PLXNA4: variants seen among roughly 807,000 people sequenced by gnomAD.
The protein encoded by PLXNA4 is plexin-A4.
PLXNA4 carries 44 observed loss-of-function variants against 191.8 expected under a neutral mutation model. The ratio of observed to expected loss-of-function variants is 0.23; its 90% CI spans 0.18 to 0.29. The LOEUF (loss-of-function observed/expected upper bound fraction) is 0.29. Ranked by LOEUF, PLXNA4 falls within the 10% of genes least tolerant of loss-of-function variation. The pLI, the probability that PLXNA4 is intolerant of heterozygous loss-of-function variation, is 1.00. For synonymous variants in PLXNA4, 1,082 were observed against 1,009.5 expected (o/e 1.07, Z -1.36); for missense variants, 1,800 against 2,488.8 (o/e 0.72, Z 5.89).
chr7:132,576,535 C>T (rs961126226), upstream of PLXNA4: 5 of 985,866 alleles, frequency 5.1e-6, no homozygotes, highest in Non-Finnish European at 6.0e-6. The surrounding 1 kb of genome is among the most constrained non-coding windows in gnomAD (Gnocchi z 5.8). Flanking sequence ...GCGCGTGTGG[C>T]TGCCTCCTCC....
intron 3 of PLXNA4, among the ~76,000 whole-genome samples, chr7:132,414,731 C>A (rs1794597058): frequency 6.6e-6 from 1 of 152,030 alleles, no homozygotes; most frequent in Non-Finnish European, 1.5e-5. Flanking sequence ...TTCAAGGTGG[C>A]AAGAAGAACA....
intron 3 of PLXNA4, among the ~76,000 whole-genome samples, chr7:132,305,224 GCATTTCAATATTAAC>G (rs1801465018): frequency 6.6e-6 from 1 of 152,140 alleles, no homozygotes; most frequent in Non-Finnish European, 1.5e-5. Flanking sequence ...TTGCATAGAT[GCATTTCAATATTAAC>G]GACTGGTGAG....
At chr7:132,266,303 C>T (rs550742832) in intron 4 of PLXNA4, 26 of 152,296 alleles carry the variant, frequency 1.7e-4, no homozygotes, top group African/African-American at 6.0e-4. Context: ...AAATCTCCAA[C>T]CTTTTAAAAC....
intron 3 of PLXNA4, among the ~76,000 whole-genome samples, chr7:132,472,950 G>A (rs1796985433): frequency 6.6e-6 from 1 of 152,242 alleles, no homozygotes; most frequent in African/African-American, 2.4e-5. Flanking sequence ...CACTTCGTTT[G>A]AGATGAGTGA....
At chr7:132,460,291 C>T (rs1490142250) in intron 3 of PLXNA4, among the ~76,000 whole-genome samples, 2 of 151,238 alleles carry the variant, frequency 1.3e-5, no homozygotes, top group African/African-American at 4.9e-5. Flanking sequence ...CCCGGGAAGT[C>T]GAGGCTGCAG....
In PLXNA4 at chr7:132,458,162, C is replaced by T. The variant is rs561634999; in HGVS notation, c.1371+31130G>A. On this transcript the variant is annotated intron_variant, in intron 3 of 31. Transcript: ENST00000321063. ...CCCACTACACCATGCAGTCTGAAAACGACAATGTACCCCATTCCTGCTATT... is the reference window on the plus strand; with the variant it reads ...CCCACTACACCATGCAGTCTGAAAATGACAATGTACCCCATTCCTGCTATT... 1.6e-4 allele frequency among the ~76,000 whole-genome samples: 24 copies of T among 152,070 alleles called. No individual in the cohort carries two copies. In the South Asian group the frequency reaches 2.1e-3, roughly 13 times the overall value.
intron 3 of PLXNA4, among the ~76,000 whole-genome samples, chr7:132,316,117 A>C (rs1801934485): frequency 6.6e-6 from 1 of 152,186 alleles, no homozygotes; most frequent in Admixed American, 6.5e-5. Flanking sequence ...ATGCCCTTGA[A>C]GAGGGGCACT....
rs143985523 is a variant in PLXNA4 at position 132,123,970 on chromosome 7, A to G, written c.*6509T>C. On this transcript the variant is annotated 3_prime_UTR_variant, in exon 32 of 32. Coordinates refer to ENST00000321063, the MANE Select transcript of PLXNA4 (RefSeq NM_020911.2). ...TGGTACCCTGGAGTTGCTGGTTGCT[A>G]TGGTAACTCAGCAGGACCCTGCTGG... is the stretch of plus-strand genomic sequence containing the variant. 7 of 152,312 alleles carry G rather than the reference A, an allele frequency of 4.6e-5. No homozygotes were observed. Among genetic ancestry groups the G allele is most frequent in the East Asian group, 3.9e-4 (2 of 5,176 alleles). The allele number at this position is 152,312 out of a possible 1,614,324, so 9.4% of individuals were successfully genotyped here.
rs374058769 is a variant in PLXNA4, at chr7:132,183,483, T to C, written c.3159-1293A>G. ...CTGGCTGGCAGACCCAGAACATGTCTGTCTCCAACCTCCCTCCTAGTGGGA... is the reference window on the plus strand; with the variant it reads ...CTGGCTGGCAGACCCAGAACATGTCCGTCTCCAACCTCCCTCCTAGTGGGA... On this transcript the variant is annotated intron_variant, in intron 16 of 31. Coordinates refer to ENST00000321063, the MANE Select transcript of PLXNA4 (RefSeq NM_020911.2). 1.4e-4 allele frequency among the ~76,000 whole-genome samples: 21 copies of C among 152,328 alleles called. No individual in the cohort carries two copies. The Middle Eastern group carries it at 0.01, about 74-fold the overall frequency.
intron 8 of PLXNA4, among the ~76,000 whole-genome samples, chr7:132,224,324 C>G (rs1369234598): frequency 1.3e-5 from 2 of 152,146 alleles, no homozygotes; most frequent in Non-Finnish European, 1.5e-5. Flanking sequence ...CCATTCCTCC[C>G]TCCAGAGCAC....
At chr7:132,319,824 C>T (rs1192881325) in intron 3 of PLXNA4, among the ~76,000 whole-genome samples, 3 of 152,224 alleles carry the variant, frequency 2.0e-5, no homozygotes, top group African/African-American at 7.2e-5. Flanking sequence ...TTGCTGGAGC[C>T]GTGCACGGCA....
chr7:132,450,338 A>G (rs1251454308), intron 3 of PLXNA4, among the ~76,000 whole-genome samples: 1 of 152,186 alleles, frequency 6.6e-6, no homozygotes, highest in Non-Finnish European at 1.5e-5. Flanking sequence ...TGAAGTTTCA[A>G]AATGGGAGGG....
intron 4 of PLXNA4, among the ~76,000 whole-genome samples, chr7:132,289,110 C>T (rs149642869): frequency 7.2e-4 from 109 of 152,348 alleles, no homozygotes; most frequent in African/African-American, 2.5e-3. Context: ...AAAACAATCA[C>T]GATGCCTCCT....
chr7:132,419,302 C>T (rs1794768975), intron 3 of PLXNA4, among the ~76,000 whole-genome samples: 1 of 152,190 alleles, frequency 6.6e-6, no homozygotes, highest in Admixed American at 6.5e-5. Flanking sequence ...ACCAGTTTAG[C>T]TTGGATCTGG....
At chr7:132,236,860 G>A (rs561188789) in intron 5 of PLXNA4, among the ~76,000 whole-genome samples, 1 of 152,204 alleles carries the variant, frequency 6.6e-6, no homozygotes, top group East Asian at 1.9e-4. Context: ...CCAGCCCCCA[G>A]CCTTCTCCTT....
intron 1 of PLXNA4, among the ~76,000 whole-genome samples, chr7:132,542,232 G>A (rs552529573): frequency 1.3e-5 from 2 of 152,258 alleles, no homozygotes; most frequent in South Asian, 4.2e-4. Context: ...CAAACAAGTA[G>A]GATTAATATG....
intron 2 of PLXNA4, among the ~76,000 whole-genome samples, chr7:132,615,513 C>G (rs1355277970): frequency 6.6e-6 from 1 of 152,190 alleles, no homozygotes. Context: ...TGGCTGAGGG[C>G]TCTGGACGCA....
chr7:132,496,181 C>CT (rs532725612), intron 2 of PLXNA4, among the ~76,000 whole-genome samples: 36 of 152,350 alleles, frequency 2.4e-4, no homozygotes, highest in African/African-American at 7.9e-4. Context: ...CGTCCAAGTT[C>CT]TCTGGCTTAT....
At chr7:132,522,891 T>C (rs1799246354) in intron 1 of PLXNA4, among the ~76,000 whole-genome samples, 1 of 152,094 alleles carries the variant, frequency 6.6e-6, no homozygotes, top group South Asian at 2.1e-4. Flanking sequence ...AGATGTTAAC[T>C]GGGAAGAGAG....
Sources: gnomAD v4.1 joint callset for allele counts (sites outside exome capture counted in the v4.1 genomes callset) on GRCh38, gnomAD v4.1.1 for gene constraint, Gnocchi (gnomAD v3.1) non-coding constraint, MANE v1.5 for transcripts, NCBI Gene and HGNC (gene_info 2026-07-23, HGNC 2026-07-21) for gene names.